GLCE: variants seen among roughly 807,000 people sequenced by gnomAD.
GLCE encodes the protein D-glucuronyl C5-epimerase.
In GLCE, 19 loss-of-function variants were observed where a neutral mutation model predicts 47.9. The ratio of observed to expected loss-of-function variants is 0.40; its 90% CI spans 0.28 to 0.58. The LOEUF is 0.58. GLCE is among the 20% of genes least tolerant of loss of function. The pLI, the probability that GLCE is intolerant of heterozygous loss-of-function variation, is 0.48. For missense variants in GLCE, 556 were observed against 743.3 expected, an observed-to-expected ratio of 0.75 and a Z score of 2.93; for synonymous variants, 245 against 263.4, an observed-to-expected ratio of 0.93 and a Z score of 0.68.
intron 2 of GLCE, among the ~76,000 whole-genome samples, chr15:69,242,573 A>C (rs2052686727): frequency 6.6e-6 from 1 of 152,152 alleles, no homozygotes; most frequent in African/African-American, 2.4e-5. Context: ...TGCTGTAGGA[A>C]TTGATGAGGA....
intron 4 of GLCE, among the ~76,000 whole-genome samples, chr15:69,264,018 G>T (rs1334253354): frequency 1.3e-5 from 2 of 152,016 alleles, no homozygotes; most frequent in African/African-American, 4.8e-5. Context: ...GTTGGTGGTG[G>T]TGAGAACATT....
intron 2 of GLCE, among the ~76,000 whole-genome samples, chr15:69,243,879 A>C (rs960035908): frequency 6.6e-6 from 1 of 152,182 alleles, no homozygotes; most frequent in Non-Finnish European, 1.5e-5. Flanking sequence ...GCTTCAAGTC[A>C]TCCTCCCACC....
chr15:69,203,767 A>T (rs935707140), intron 1 of GLCE, among the ~76,000 whole-genome samples: 1 of 152,098 alleles, frequency 6.6e-6, no homozygotes, highest in Non-Finnish European at 1.5e-5. Context: ...TTTCATTTGA[A>T]ATTAGTGCAG....
intron 1 of GLCE, among the ~76,000 whole-genome samples, chr15:69,180,803 G>C (rs1401489141): frequency 2.0e-5 from 3 of 152,200 alleles, no homozygotes; most frequent in Non-Finnish European, 4.4e-5. Flanking sequence ...TAGACTAAGT[G>C]ATACGTGGTA....
chr15:69,243,167 T>C (rs1211140058), intron 2 of GLCE, among the ~76,000 whole-genome samples: 1 of 152,014 alleles, frequency 6.6e-6, no homozygotes, highest in East Asian at 1.9e-4. Context: ...ACTAAGATTT[T>C]CCTACAAAAG....
chr15:69,174,663 T>G (rs923900637), intron 1 of GLCE, among the ~76,000 whole-genome samples: 3 of 152,024 alleles, frequency 2.0e-5, no homozygotes, highest in African/African-American at 7.2e-5. Flanking sequence ...CCCCAAAGAT[T>G]ATTAACTTCT....
intron 2 of GLCE, among the ~76,000 whole-genome samples, chr15:69,249,904 C>T (rs1225209314): frequency 6.6e-6 from 1 of 151,456 alleles, no homozygotes; most frequent in East Asian, 1.9e-4. Context: ...GTTTTACTTT[C>T]CCTAATTTTT....
At chr15:69,166,030 C>G (rs545954133) in intron 1 of GLCE, among the ~76,000 whole-genome samples, 3 of 152,192 alleles carry the variant, frequency 2.0e-5, no homozygotes, top group Non-Finnish European at 4.4e-5. Context: ...TTTGAGGCAA[C>G]TACTAATCCT....
chr15:69,239,139 C>T (rs1040582436), intron 2 of GLCE, among the ~76,000 whole-genome samples: 1 of 152,160 alleles, frequency 6.6e-6, no homozygotes, highest in Non-Finnish European at 1.5e-5. Context: ...TGCCTCCTAG[C>T]TTCCCTTGCA....
intron 2 of GLCE, among the ~76,000 whole-genome samples, chr15:69,214,495 G>C (rs144359070): frequency 9.3e-4 from 142 of 152,194 alleles, no homozygotes; most frequent in African/African-American, 3.2e-3. Flanking sequence ...ATGATTGTAA[G>C]TTTCCTGAGG....
At chr15:69,228,311 A>G (rs955902968) in intron 2 of GLCE, among the ~76,000 whole-genome samples, 1 of 152,170 alleles carries the variant, frequency 6.6e-6, no homozygotes, top group Non-Finnish European at 1.5e-5. Flanking sequence ...ATGTATGTGG[A>G]ATTAAAACTC....
chr15:69,194,546 T>C (rs888202197), intron 1 of GLCE: 2 of 152,160 alleles, frequency 1.3e-5, no homozygotes, highest in Non-Finnish European at 2.9e-5. Context: ...TTCATTCTTA[T>C]TATTTTTAGT....
At chr15:69,255,265 G>C (rs939354355) in intron 2 of GLCE, among the ~76,000 whole-genome samples, 5 of 152,096 alleles carry the variant, frequency 3.3e-5, no homozygotes, top group African/African-American at 9.7e-5. Context: ...TACATGTTGA[G>C]CATCCCAAGT....
chr15:69,189,204 G>T (rs1241932005), intron 1 of GLCE, among the ~76,000 whole-genome samples: 1 of 152,122 alleles, frequency 6.6e-6, no homozygotes, highest in African/African-American at 2.4e-5. Flanking sequence ...CTACCTCCCA[G>T]TTAACCCCTG....
chr15:69,188,836 CAGAG>C (rs1441835481), intron 1 of GLCE, among the ~76,000 whole-genome samples: 1 of 152,104 alleles, frequency 6.6e-6, no homozygotes, highest in African/African-American at 2.4e-5. Flanking sequence ...TTATTGATCT[CAGAG>C]AGCCAGCATT....
chr15:69,199,149 T>G (rs560721835), intron 1 of GLCE, among the ~76,000 whole-genome samples: 1 of 152,324 alleles, frequency 6.6e-6, no homozygotes, highest in African/African-American at 2.4e-5. Context: ...AACTGTTTCT[T>G]GTTTCCTTAA....
At chr15:69,260,668 A>T (rs1472869918) in intron 3 of GLCE, 1 of 162,670 alleles carries the variant, frequency 6.1e-6, no homozygotes, top group Non-Finnish European at 1.3e-5. Context: ...TTGACTGTTA[A>T]GTATAAATGT....
intron 1 of GLCE, among the ~76,000 whole-genome samples, chr15:69,190,357 C>T (rs2051895222): frequency 6.6e-6 from 1 of 151,990 alleles, no homozygotes; most frequent in African/African-American, 2.4e-5. Flanking sequence ...AAGTTTTTGT[C>T]TACTAGTTGT....
chr15:69,251,732 C>T (rs1040851654), intron 2 of GLCE, among the ~76,000 whole-genome samples: 4 of 152,020 alleles, frequency 2.6e-5, no homozygotes, highest in East Asian at 3.9e-4. Context: ...ATTGCAGATT[C>T]GTGGATTTTT....
Sources: allele counts gnomAD v4.1 joint callset (sites outside exome capture counted in the v4.1 genomes callset), GRCh38; gene constraint gnomAD v4.1.1; transcripts MANE v1.5; gene names NCBI Gene and HGNC (gene_info 2026-07-23, HGNC 2026-07-21).